The following B3GALT1 variants were observed in gnomAD, a reference collection of about 807,000 sequenced individuals.
B3GALT1 encodes the protein beta-1,3-galactosyltransferase 1.
A neutral mutation model predicts 23.2 loss-of-function variants in B3GALT1; 10 were observed. That is an observed-to-expected ratio of 0.43 (90% CI 0.27 to 0.73). The LOEUF (loss-of-function observed/expected upper bound fraction) is 0.73. Among genes scored for constraint, B3GALT1 ranks in the 30% least tolerant of loss-of-function variants. B3GALT1 has a pLI of 0.21. For missense variants in B3GALT1, 299 were observed against 405.4 expected (o/e 0.74, Z 2.25); for synonymous variants, 156 against 141.5 (o/e 1.10, Z -0.73).
At chr2:167,646,443 C>A (rs1041809402) in intron 2 of B3GALT1, among the ~76,000 whole-genome samples, 9 of 152,212 alleles carry the variant, frequency 5.9e-5, no homozygotes, top group Admixed American at 2.0e-4. Context: ...TCTCCTAGTG[C>A]CTGCCCACCT....
rs745706207 is a variant in B3GALT1, at chr2:167,440,344, G to GAAAAA, written c.-510-49817_-510-49813dup. ...TGGGTAACAGAGCGAGACTCTGTCT[G>GAAAAA]AAAAAAAAAAAAAAAAAAAAGAAAT... On this transcript the variant is annotated intron_variant, in intron 1 of 4. Transcript: ENST00000392690. Among the ~76,000 whole-genome samples the GAAAAA allele has an allele frequency of 5.1e-4, 36 of 70,128 alleles. 1 individual carries two copies. The highest frequency in any genetic ancestry group is 1.6e-3 in the African/African-American group (34 of 21,424). 46.0% of individuals were successfully genotyped at this position (70,128 alleles called of 152,430 possible). A position where few individuals can be genotyped will look rare whatever the true frequency, so the allele number is the denominator to read the frequency against.
At chr2:167,408,799 A>C (rs949201821) in intron 1 of B3GALT1, among the ~76,000 whole-genome samples, 4 of 45,646 alleles carry the variant, frequency 8.8e-5, no homozygotes, top group African/African-American at 2.5e-4. Context: ...AGATGTATAC[A>C]AAAAAAAAAA....
chr2:167,643,449 A>C (rs2105457379), intron 2 of B3GALT1, among the ~76,000 whole-genome samples: 1 of 152,156 alleles, frequency 6.6e-6, no homozygotes, highest in South Asian at 2.1e-4. Flanking sequence ...CCACCTTGTC[A>C]TGTTAAGTGG....
intron 1 of B3GALT1, among the ~76,000 whole-genome samples, chr2:167,401,005 G>GCTTAATTGAGTAGGCAGGT (rs1267545072): frequency 6.6e-6 from 1 of 152,040 alleles, no homozygotes; most frequent in African/African-American, 2.4e-5. Context: ...TATGTAATCA[G>GCTTAATTGAGTAGGCAGGT]CTTAATTGAG....
chr2:167,564,473 G>A (rs1269406184), intron 2 of B3GALT1, among the ~76,000 whole-genome samples: 1 of 152,194 alleles, frequency 6.6e-6, no homozygotes, highest in African/African-American at 2.4e-5. Context: ...CGGCCGGGCA[G>A]AGGCTGCAAT....
chr2:167,528,668 A>G (rs1220102903), intron 2 of B3GALT1, among the ~76,000 whole-genome samples: 1 of 152,200 alleles, frequency 6.6e-6, no homozygotes, highest in Non-Finnish European at 1.5e-5. Flanking sequence ...ATAGAACTAC[A>G]TGCTCTATAC....
Position 167,760,524 on chromosome 2 carries a change from A to G in B3GALT1, c.-351-58148A>G, listed in dbSNP as rs180742800. On this transcript the variant is annotated intron_variant, in intron 3 of 4. Coordinates refer to ENST00000392690, the MANE Select transcript of B3GALT1 (RefSeq NM_020981.4). ...CAAGTAGGTAATCAGAAACAGTGCG[A>G]TGCATTGAAATGACAAGAAGGATCT... Among the ~76,000 whole-genome samples, 24 of 152,352 alleles carry G rather than the reference A, an allele frequency of 1.6e-4. No individual in the cohort carries two copies. In the East Asian group the frequency reaches 4.2e-3, roughly 27 times the overall value.
At chr2:167,717,367 G>A (rs1687167662) in intron 3 of B3GALT1, among the ~76,000 whole-genome samples, 3 of 151,510 alleles carry the variant, frequency 2.0e-5, no homozygotes, top group Non-Finnish European at 4.4e-5. Flanking sequence ...GTATACATGT[G>A]CCATGTTGGT....
chr2:167,399,726 A>G (rs1206538162), intron 1 of B3GALT1, among the ~76,000 whole-genome samples: 1 of 151,924 alleles, frequency 6.6e-6, no homozygotes, highest in East Asian at 1.9e-4. Flanking sequence ...GAGTATGAAT[A>G]GTTTGTTTTC....
intron 2 of B3GALT1, among the ~76,000 whole-genome samples, chr2:167,637,992 C>G (rs1236796276): frequency 1.3e-5 from 2 of 151,978 alleles, no homozygotes; most frequent in African/African-American, 2.4e-5. Flanking sequence ...AGCAGGAAGT[C>G]AGAATCAGCA....
At chr2:167,714,984 G>A in intron 3 of B3GALT1, 1 of 1,611,424 alleles carries the variant, frequency 6.2e-7, no homozygotes, top group East Asian at 2.2e-5. Context: ...AAAGATGCTT[G>A]TTGAGTCTGA....
intron 3 of B3GALT1, among the ~76,000 whole-genome samples, chr2:167,798,595 G>C (rs1367429495): frequency 6.6e-6 from 1 of 152,130 alleles, no homozygotes; most frequent in African/African-American, 2.4e-5. Context: ...GATGGCTGTA[G>C]GTGTGGGTCT....
intron 2 of B3GALT1, among the ~76,000 whole-genome samples, chr2:167,611,918 A>G (rs1400074025): frequency 1.3e-5 from 2 of 152,078 alleles, no homozygotes; most frequent in Non-Finnish European, 2.9e-5. Flanking sequence ...AATAAAATCC[A>G]TCATATTTAT....
chr2:167,554,184 T>A (rs1298758667), intron 2 of B3GALT1, among the ~76,000 whole-genome samples: 1 of 152,232 alleles, frequency 6.6e-6, no homozygotes, highest in Admixed American at 6.5e-5. Context: ...AAAATGGGAA[T>A]AAGAGCTGTA....
At chr2:167,620,780 A>G (rs532347565) in intron 2 of B3GALT1, among the ~76,000 whole-genome samples, 1 of 152,248 alleles carries the variant, frequency 6.6e-6, no homozygotes, top group African/African-American at 2.4e-5. Flanking sequence ...ACTTTTAGTT[A>G]GATGTGGGCT....
chr2:167,565,276 A>G (rs1327856226), intron 2 of B3GALT1, among the ~76,000 whole-genome samples: 1 of 152,216 alleles, frequency 6.6e-6, no homozygotes, highest in African/African-American at 2.4e-5. Flanking sequence ...CTATTTAATA[A>G]ATGGTGCTGG....
At chr2:167,690,287 A>G (rs1350677356) in intron 3 of B3GALT1, among the ~76,000 whole-genome samples, 1 of 151,960 alleles carries the variant, frequency 6.6e-6, no homozygotes, top group African/African-American at 2.4e-5. Flanking sequence ...AGTTAACTAT[A>G]AAATATAAAT....
intron 3 of B3GALT1, among the ~76,000 whole-genome samples, chr2:167,790,534 A>T (rs1242411576): frequency 5.3e-5 from 8 of 152,216 alleles, no homozygotes; most frequent in Non-Finnish European, 1.0e-4. Flanking sequence ...CACGCTTTCC[A>T]TGCACAAACT....
intron 2 of B3GALT1, among the ~76,000 whole-genome samples, chr2:167,591,738 GGT>G (rs1558917664): frequency 6.6e-6 from 1 of 152,082 alleles, no homozygotes; most frequent in Non-Finnish European, 1.5e-5. Context: ...CTCCTAAAGT[GGT>G]GGGATTACAG....
Sources: gnomAD v4.1 joint callset for allele counts (sites outside exome capture counted in the v4.1 genomes callset) on GRCh38, gnomAD v4.1.1 for gene constraint, MANE v1.5 for transcripts, NCBI Gene and HGNC (gene_info 2026-07-23, HGNC 2026-07-21) for gene names.